Variants in NBEA observed in about 807,000 individuals in gnomAD.
The protein encoded by NBEA is neurobeachin.
NBEA carries 44 observed loss-of-function variants against 343.4 expected under a neutral mutation model. That is an observed-to-expected ratio of 0.13 (90% CI 0.10 to 0.16). NBEA has a LOEUF of 0.16. Among genes scored for constraint, NBEA ranks in the 10% least tolerant of loss-of-function variants. The probability of loss-of-function intolerance (pLI) is 1.00; values close to 1 mark genes in which losing one functional copy is unlikely to be tolerated. For synonymous variants in NBEA, 1,175 were observed against 1,238.7 expected (o/e 0.95, Z 1.08); for missense variants, 2,555 against 3,631.3 (o/e 0.70, Z 7.62).
intron 1 of NBEA, among the ~76,000 whole-genome samples, chr13:35,015,010 CA>C (rs2061602050): frequency 6.6e-6 from 1 of 151,370 alleles, no homozygotes; most frequent in Non-Finnish European, 1.5e-5. Flanking sequence ...GACAGGGCCG[CA>C]TCATCACCTC....
intron 35 of NBEA, among the ~76,000 whole-genome samples, chr13:35,304,264 A>T (rs958049690): frequency 2.6e-5 from 4 of 152,162 alleles, no homozygotes; most frequent in Non-Finnish European, 4.4e-5. Flanking sequence ...ACACAAATAC[A>T]GGTCAACAGT....
At chr13:35,366,209 A>T (rs2041100513) in intron 38 of NBEA, among the ~76,000 whole-genome samples, 1 of 151,596 alleles carries the variant, frequency 6.6e-6, no homozygotes, top group South Asian at 2.1e-4. Context: ...TCAATAAAAC[A>T]GATGAACATC....
chr13:35,474,108 T>A (rs1365336139), intron 41 of NBEA: 1 of 152,322 alleles, frequency 6.6e-6, no homozygotes, highest in Admixed American at 6.5e-5. Context: ...ATTAGCATAT[T>A]TCTCAAAATA....
chr13:34,966,486 A>T (rs754460582), intron 1 of NBEA, among the ~76,000 whole-genome samples: 3 of 152,006 alleles, frequency 2.0e-5, no homozygotes, highest in Non-Finnish European at 4.4e-5. Context: ...ATACTATTAG[A>T]ATCCAATCAG....
At chr13:35,262,509 T>C (rs2033295949) in intron 34 of NBEA, among the ~76,000 whole-genome samples, 1 of 152,200 alleles carries the variant, frequency 6.6e-6, no homozygotes, top group Non-Finnish European at 1.5e-5. Context: ...CTTATAAACC[T>C]GACTATGTAG....
intron 35 of NBEA, among the ~76,000 whole-genome samples, chr13:35,304,331 C>CTG (rs375468846): frequency 0.1 from 15,315 of 148,834 alleles, 858 homozygotes; most frequent in East Asian, 0.21. Context: ...AAGCAATTCT[C>CTG]TGTGTGTGTG....
chr13:35,522,045 G>A (rs1027316000), intron 41 of NBEA, among the ~76,000 whole-genome samples: 3 of 152,132 alleles, frequency 2.0e-5, no homozygotes, highest in Admixed American at 6.5e-5. Context: ...GAGTGCAAAA[G>A]TACAGAGAGG....
intron 38 of NBEA, among the ~76,000 whole-genome samples, chr13:35,408,014 TA>T: frequency 6.6e-6 from 1 of 152,246 alleles, no homozygotes; most frequent in East Asian, 1.9e-4. Flanking sequence ...AAAACTATTT[TA>T]AAATTCATAT....
At chr13:35,032,220 C>T (rs946153345) in intron 1 of NBEA, among the ~76,000 whole-genome samples, 1 of 151,772 alleles carries the variant, frequency 6.6e-6, no homozygotes, top group Non-Finnish European at 1.5e-5. Flanking sequence ...TTTGAGGAAT[C>T]GCCATACTGC....
intron 30 of NBEA, among the ~76,000 whole-genome samples, chr13:35,193,587 A>C (rs2072362576): frequency 6.6e-6 from 1 of 151,828 alleles, no homozygotes; most frequent in South Asian, 2.1e-4. Flanking sequence ...CTCTGACAAG[A>C]TTTTATTAAA....
intron 31 of NBEA, among the ~76,000 whole-genome samples, chr13:35,202,432 A>G (rs1316496515): frequency 2.6e-5 from 4 of 152,160 alleles, no homozygotes; most frequent in Non-Finnish European, 5.9e-5. Context: ...GGATTCTTAT[A>G]GTGTGCCATG....
At chr13:35,640,953 T>TA in intron 49 of NBEA, among the ~76,000 whole-genome samples, 1 of 152,272 alleles carries the variant, frequency 6.6e-6, no homozygotes, top group South Asian at 2.1e-4. Context: ...AAATAAATGC[T>TA]AAGTGCATGA....
In NBEA at chr13:35,159,519, T is replaced by C; in HGVS notation, c.3348T>C (p.Gly1116=). 1 of 1,613,098 alleles carries C rather than the reference T, an allele frequency of 6.2e-7. No individual in the cohort carries two copies. Among genetic ancestry groups the C allele is most frequent in the Non-Finnish European group, 8.5e-7 (1 of 1,179,618 alleles). Residue 1116 remains glycine, a synonymous_variant, in exon 22 of 59, where the codon GGT becomes GGC. Coordinates refer to ENST00000379939, the MANE Select transcript of NBEA (RefSeq NM_001385012.1). ...AGAACAATGTACATGGAAGTGTTGGTATCATTAAAAAAAATGAAGAAAAGG... is the reference window on the plus strand; with the variant it reads ...AGAACAATGTACATGGAAGTGTTGGCATCATTAAAAAAAATGAAGAAAAGG... ...KLQNNVHGSV[G]IIKKNEEKDN... is the part of the protein sequence containing the mutation.
intron 41 of NBEA, among the ~76,000 whole-genome samples, chr13:35,536,271 A>G (rs1439384620): frequency 6.6e-6 from 1 of 152,208 alleles, no homozygotes; most frequent in Non-Finnish European, 1.5e-5. Context: ...CCTACCTGGC[A>G]GATACTTGAT....
chr13:35,054,217 C>CCACAATATAAAGTT (rs2063164486), intron 6 of NBEA, among the ~76,000 whole-genome samples: 1 of 151,942 alleles, frequency 6.6e-6, no homozygotes, highest in African/African-American at 2.4e-5. Flanking sequence ...TTTGTGTCTT[C>CCACAATATAAAGTT]TGTGTTATTT....
chr13:35,056,324 CAG>C (rs966267615), intron 7 of NBEA, among the ~76,000 whole-genome samples, 195 bp downstream of exon 7: 39 of 151,796 alleles, frequency 2.6e-4, no homozygotes, highest in African/African-American at 8.0e-4. Flanking sequence ...ATTAAAAAAA[CAG>C]AAACATTTAG....
In NBEA at chr13:34,981,089, AC is replaced by A. The variant is rs535591137; in HGVS notation, c.294+37980del. 1.5e-3 allele frequency among the ~76,000 whole-genome samples: 224 copies of A among 151,496 alleles called. 1 individual carries two copies. Among genetic ancestry groups the A allele is most frequent in the African/African-American group, 5.0e-3 (205 of 41,254 alleles). Reference sequence around the variant, plus strand: ...TAATTTGTAGTTATTTCCAATTCCCACCCCCAGCCTAAGGCAACTACCGATT... The same window carrying A: ...TAATTTGTAGTTATTTCCAATTCCCACCCCAGCCTAAGGCAACTACCGATT... On this transcript the variant is annotated intron_variant, in intron 1 of 58. Coordinates refer to ENST00000379939, the MANE Select transcript of NBEA (RefSeq NM_001385012.1).
In NBEA at chr13:35,293,307, A is replaced by ATTATCATTATGATATAT. The variant is rs2035915609; in HGVS notation, c.5838+2865_5838+2866insATGATATATTTATCATT. Among the ~76,000 whole-genome samples, 14 of 152,182 alleles carry ATTATCATTATGATATAT rather than the reference A, an allele frequency of 9.2e-5. No individual in the cohort carries two copies. In the South Asian group the frequency reaches 2.9e-3, roughly 31 times the overall value. On this transcript the variant is annotated intron_variant, in intron 35 of 58. Coordinates refer to ENST00000379939, the MANE Select transcript of NBEA (RefSeq NM_001385012.1). ...TAAGTCTTAAGAAGAAGCTGTTAATATTATCATTCTGATATATTTATCATT... is the reference window on the plus strand; with the variant it reads ...TAAGTCTTAAGAAGAAGCTGTTAATATTATCATTATGATATATTTATCATTCTGATATATTTATCATT...
chr13:35,566,434 G>A (rs2153025698), intron 44 of NBEA, among the ~76,000 whole-genome samples: 1 of 152,216 alleles, frequency 6.6e-6, no homozygotes, highest in East Asian at 1.9e-4. Flanking sequence ...AGGTCAGTGG[G>A]GTGACTTCCT....
Sources: gnomAD v4.1 joint callset for allele counts (sites outside exome capture counted in the v4.1 genomes callset) on GRCh38, gnomAD v4.1.1 for gene constraint, MANE v1.5 for transcripts, NCBI Gene and HGNC (gene_info 2026-07-23, HGNC 2026-07-21) for gene names.